Variants in FOXO3 observed in about 807,000 individuals in gnomAD.
The protein encoded by FOXO3 is forkhead box O3, also known as forkhead box protein O3.
In FOXO3, 4 loss-of-function variants were observed where a neutral mutation model predicts 41.9. The ratio of observed to expected loss-of-function variants is 0.10; its 90% CI spans 0.05 to 0.22. The LOEUF is 0.22. FOXO3 is among the 10% of genes least tolerant of loss of function. The pLI, the probability that FOXO3 is intolerant of heterozygous loss-of-function variation, is 1.00. For missense variants in FOXO3, 534 were observed against 906.8 expected (o/e 0.59, Z 5.28); for synonymous variants, 318 against 389.3 (o/e 0.82, Z 2.16).
intron 1 of FOXO3, among the ~76,000 whole-genome samples, chr6:108,638,329 A>G (rs1778171848): frequency 1.3e-5 from 2 of 152,244 alleles, no homozygotes; most frequent in Admixed American, 1.3e-4. Flanking sequence ...AGGTTTGTCC[A>G]AGATTTCATT....
intron 1 of FOXO3, among the ~76,000 whole-genome samples, chr6:108,641,669 C>T (rs1328583244): frequency 6.6e-6 from 1 of 151,936 alleles, no homozygotes; most frequent in Non-Finnish European, 1.5e-5. Context: ...GGTTTGGTTG[C>T]TCCCATAGCA....
chr6:108,625,644 G>A (rs896989027), intron 1 of FOXO3, among the ~76,000 whole-genome samples: 1 of 152,172 alleles, frequency 6.6e-6, no homozygotes, highest in African/African-American at 2.4e-5. Flanking sequence ...TCTGCTGCCT[G>A]TGTCAGTGTT....
At chr6:108,637,707 A>G (rs1017768834) in intron 1 of FOXO3, among the ~76,000 whole-genome samples, 1 of 151,532 alleles carries the variant, frequency 6.6e-6, no homozygotes, top group Non-Finnish European at 1.5e-5. Flanking sequence ...TCCTCTCCTC[A>G]TGGCCTGGCT....
chr6:108,600,159 T>C (rs150113803), intron 1 of FOXO3, among the ~76,000 whole-genome samples: 52 of 152,306 alleles, frequency 3.4e-4, no homozygotes, highest in African/African-American at 1.3e-3. Flanking sequence ...ACTACTGACA[T>C]AACCTGGTTT....
chr6:108,660,309 G>A (rs751014832), intron 1 of FOXO3, among the ~76,000 whole-genome samples: 1 of 152,078 alleles, frequency 6.6e-6, no homozygotes. Flanking sequence ...TGTACTATCC[G>A]GACCATTAGT....
chr6:108,571,927 G>C (rs1344714397), intron 1 of FOXO3, among the ~76,000 whole-genome samples: 1 of 152,134 alleles, frequency 6.6e-6, no homozygotes, highest in Non-Finnish European at 1.5e-5. Flanking sequence ...ATCATTCATA[G>C]GCTACTTTCT....
At chr6:108,632,859 A>G (rs1370301396) in intron 1 of FOXO3, among the ~76,000 whole-genome samples, 1 of 152,184 alleles carries the variant, frequency 6.6e-6, no homozygotes, top group Admixed American at 6.5e-5. Flanking sequence ...ATGAAGCTGG[A>G]ACTTTAAATG....
At chr6:108,630,818 C>G (rs187042763) in intron 1 of FOXO3, among the ~76,000 whole-genome samples, 301 of 152,266 alleles carry the variant, frequency 2.0e-3, no homozygotes, top group Non-Finnish European at 3.4e-3. Context: ...CCTTCTCAAA[C>G]TCTGCTGCCC....
intron 1 of FOXO3, among the ~76,000 whole-genome samples, chr6:108,592,445 C>T (rs909272876): frequency 6.6e-6 from 1 of 152,278 alleles, no homozygotes; most frequent in South Asian, 2.1e-4. Context: ...CTCCTTTATT[C>T]GTCATCACTT....
intron 1 of FOXO3, among the ~76,000 whole-genome samples, chr6:108,640,304 A>C (rs1778222692): frequency 6.6e-6 from 1 of 152,168 alleles, no homozygotes; most frequent in Non-Finnish European, 1.5e-5. Context: ...AGTTGTCGTA[A>C]TTGGGGCAAC....
upstream of FOXO3, chr6:108,560,746 C>T (rs1775752390): frequency 4.1e-6 from 1 of 242,954 alleles, no homozygotes; most frequent in Non-Finnish European, 7.8e-6. Context: ...CCAGCTCCGG[C>T]CGCTGCCCGC....
intron 1 of FOXO3, among the ~76,000 whole-genome samples, chr6:108,609,406 T>C (rs978945079): frequency 2.0e-5 from 3 of 152,202 alleles, no homozygotes; most frequent in Admixed American, 2.0e-4. Flanking sequence ...CTGATGGGCC[T>C]GGGTTCTAGG....
chr6:108,651,167 G>A (rs981590315), intron 1 of FOXO3, among the ~76,000 whole-genome samples: 4 of 152,138 alleles, frequency 2.6e-5, no homozygotes, highest in Admixed American at 6.6e-5. Context: ...CTTTATTTCC[G>A]TACAGAAAAT....
chr6:108,669,740 C>T (rs574594911), intron 2 of FOXO3, among the ~76,000 whole-genome samples: 1 of 152,204 alleles, frequency 6.6e-6, no homozygotes, highest in African/African-American at 2.4e-5. Flanking sequence ...CTGTTTTTTC[C>T]TGGAAAGCAG....
chr6:108,569,649 C>T (rs1776037841), intron 1 of FOXO3, among the ~76,000 whole-genome samples: 1 of 152,142 alleles, frequency 6.6e-6, no homozygotes, highest in African/African-American at 2.4e-5. Flanking sequence ...TTCCGCTACT[C>T]CTGGGTCATT....
intron 1 of FOXO3, among the ~76,000 whole-genome samples, chr6:108,580,297 A>G (rs1776378127): frequency 7.4e-6 from 1 of 135,080 alleles, no homozygotes; most frequent in East Asian, 2.3e-4. Flanking sequence ...CAAGCAATTT[A>G]CTTGCCTCAG....
At chr6:108,587,945 C>T (rs1268988752) in intron 1 of FOXO3, among the ~76,000 whole-genome samples, 2 of 152,182 alleles carry the variant, frequency 1.3e-5, no homozygotes, top group South Asian at 2.1e-4. Context: ...AGAAGGGCTC[C>T]CCCATCCTCC....
chr6:108,591,354 G>T (rs1202370245), intron 1 of FOXO3, among the ~76,000 whole-genome samples: 1 of 152,152 alleles, frequency 6.6e-6, no homozygotes, highest in Non-Finnish European at 1.5e-5. Context: ...CATCATTTGG[G>T]CAGTTAGGTT....
At chr6:108,618,032 C>T (rs879025450) in intron 1 of FOXO3, 24 of 671,762 alleles carry the variant, frequency 3.6e-5, no homozygotes, top group South Asian at 2.4e-4. Context: ...TGTTGGAACA[C>T]GTCAATCGTA....
Sources: allele counts gnomAD v4.1 joint callset (sites outside exome capture counted in the v4.1 genomes callset), GRCh38; gene constraint gnomAD v4.1.1; transcripts MANE v1.5; gene names NCBI Gene and HGNC (gene_info 2026-07-23, HGNC 2026-07-21).